The following DYNC2LI1 variants were observed in gnomAD, a reference collection of about 807,000 sequenced individuals.
DYNC2LI1 encodes cytoplasmic dynein 2 light intermediate chain 1.
In DYNC2LI1, 45 loss-of-function variants were observed where a neutral mutation model predicts 51.9. The observed-to-expected ratio is 0.87, with a 90% CI of 0.68 to 1.11. DYNC2LI1 has a LOEUF of 1.11. Among genes scored for constraint, DYNC2LI1 ranks in the 50% most tolerant of loss-of-function variants. The pLI is 0.00. For missense variants in DYNC2LI1, 490 were observed against 417.4 expected (o/e 1.17, Z -1.51); for synonymous variants, 130 against 137.8 (o/e 0.94, Z 0.40).
At chr2:43,813,799 C>A (rs1029503186), downstream of DYNC2LI1, among the ~76,000 whole-genome samples, 4 of 141,950 alleles carry the variant, frequency 2.8e-5, no homozygotes, top group African/African-American at 5.2e-5. Flanking sequence ...CTCACTGCAA[C>A]CTCAGCCTCC....
At position 43,809,918 on chromosome 2, in the gene DYNC2LI1, T is replaced by C; in HGVS notation, c.*151T>C. On this transcript the variant is annotated 3_prime_UTR_variant, in exon 13 of 13. Coordinates refer to ENST00000260605, the MANE Select transcript of DYNC2LI1 (RefSeq NM_016008.4). ...GATTTCTTGGACTAGTGCATCTCCC[T>C]GTATATCTTGAAGCTTTTTAAAAGG... 7.2e-7 allele frequency: 1 copy of C among 1,383,824 alleles called. No homozygotes were observed. The allele number at this position is 1,383,824 out of a possible 1,614,324, so 85.7% of individuals were successfully genotyped here.
chr2:43,776,834 G>A lies in DYNC2LI1; in HGVS notation c.61G>A (p.Gly21Arg). 1 of 1,602,968 alleles carries A rather than the reference G, an allele frequency of 6.2e-7. No homozygotes were observed. The highest frequency in any genetic ancestry group is 8.5e-7 in the Non-Finnish European group (1 of 1,174,866). The change falls in exon 2 of 13, where the codon GGA (glycine) becomes AGA (arginine). Residue 21 changes from glycine to arginine, a missense_variant. Coordinates refer to ENST00000260605, the MANE Select transcript of DYNC2LI1 (RefSeq NM_016008.4). ...KAEVEKRGIN[G>R]SEGDGAEIAE... The stretch of plus-strand genomic sequence containing the variant: ...TGAAGTGGAAAAAAGGGGAATTAAT[G>A]GAAGTGAAGGTGATGGAGCTGAAAT...
the DYNC2LI1 span, chr2:43,820,091 G>C: frequency 1.2e-6 from 2 of 1,613,666 alleles, no homozygotes; most frequent in African/African-American, 1.3e-5. Flanking sequence ...CAGGATGTAA[G>C]CCCAGCGTCC....
At chr2:43,812,939 C>G, downstream of DYNC2LI1, 1 of 617,154 alleles carries the variant, frequency 1.6e-6, no homozygotes, top group South Asian at 1.9e-5. Flanking sequence ...GGACTATAAA[C>G]CACTTCCATT....
intron 2 of DYNC2LI1, among the ~76,000 whole-genome samples, chr2:43,782,758 G>C (rs187312298): frequency 1.4e-4 from 21 of 152,190 alleles, no homozygotes; most frequent in Admixed American, 1.2e-3. Context: ...GAGGTGGGCA[G>C]ATTAGATGAG....
chr2:43,813,392 G>T, downstream of DYNC2LI1: 1 of 976,806 alleles, frequency 1.0e-6, no homozygotes. Flanking sequence ...CGCTTGCTAA[G>T]TACCCTTAAT....
the DYNC2LI1 span, chr2:43,822,474 CCA>C: frequency 1.4e-6 from 1 of 708,450 alleles, no homozygotes; most frequent in Non-Finnish European, 1.7e-6. Flanking sequence ...CTCCCCTCCC[CCA>C]GGCCCCCCCC....
At chr2:43,805,043 T>A (rs540583162) in intron 11 of DYNC2LI1, 111 bp from the exon 12 acceptor site, 6 of 689,048 alleles carry the variant, frequency 8.7e-6, no homozygotes, top group African/African-American at 7.2e-5. Context: ...AGAAAGATCA[T>A]AGAGAGCCTT....
the DYNC2LI1 span, among the ~76,000 whole-genome samples, chr2:43,817,578 A>G: frequency 1.3e-5 from 2 of 152,108 alleles, no homozygotes; most frequent in African/African-American, 4.8e-5. Context: ...GGTTACTTCC[A>G]GATAAACCCA....
rs1034504878 is a variant in DYNC2LI1 at position 43,794,470 on chromosome 2, G to A, written c.334G>A (p.Val112Ile). The A allele has an allele frequency of 6.2e-7, 1 of 1,609,344 alleles. No homozygotes were observed. The highest frequency in any genetic ancestry group is 2.2e-5 in the East Asian group (1 of 44,802). ...TTATTTCTTTAGGACGTTTTCTCTT[G>A]TTCTCGTTCTGGATCTTTCAAAACC... The part of the protein sequence containing the change: ...TGDTLRTFSL[V>I]LVLDLSKPND... Residue 112 changes from valine to isoleucine, a missense_variant, in exon 6 of 13, where the codon GTT (valine) becomes ATT (isoleucine). By Grantham distance (29) the Val-to-Ile change is conservative (BLOSUM62 3). Coordinates refer to ENST00000260605, the MANE Select transcript of DYNC2LI1 (RefSeq NM_016008.4).
chr2:43,783,442 G>T, intron 2 of DYNC2LI1, 78 bp from the exon 3 acceptor site: 1 of 1,073,130 alleles, frequency 9.3e-7, no homozygotes, highest in East Asian at 2.7e-5. Context: ...ATCTATTTTG[G>T]GCCACAATTA....
chr2:43,797,145 A>G (rs537819989), intron 8 of DYNC2LI1, among the ~76,000 whole-genome samples: 1 of 152,240 alleles, frequency 6.6e-6, no homozygotes, highest in Non-Finnish European at 1.5e-5. Context: ...CAACTCTATC[A>G]GTGTGTGTAT....
chr2:43,783,707 C>A (rs1209734573), intron 3 of DYNC2LI1, among the ~76,000 whole-genome samples, 153 bp downstream of exon 3: 1 of 152,106 alleles, frequency 6.6e-6, no homozygotes, highest in Non-Finnish European at 1.5e-5. Flanking sequence ...TTTAAGAGCG[C>A]CTTTAAATAT....
At chr2:43,808,964 TACACAC>T (rs56090427) in intron 12 of DYNC2LI1, among the ~76,000 whole-genome samples, 9,551 of 145,476 alleles carry the variant, frequency 0.066, 638 homozygotes, top group African/African-American at 0.17. Context: ...GGACAAAGGA[TACACAC>T]ACACACACAC....
In DYNC2LI1 at chr2:43,794,118, GC is replaced by G. The variant is rs1673921029; in HGVS notation, c.321-338del. On this transcript the variant is annotated intron_variant, in intron 5 of 12. Coordinates refer to ENST00000260605, the MANE Select transcript of DYNC2LI1 (RefSeq NM_016008.4). ...TGTTTTTGCTTCTTTTATTATTTTTGCTTCCCTTTTTTGGAGCACACAGTAA... is the reference window on the plus strand; with the variant it reads ...TGTTTTTGCTTCTTTTATTATTTTTGTTCCCTTTTTTGGAGCACACAGTAA... The G allele has an allele frequency of 3.6e-5, 7 of 194,760 alleles. No homozygotes were observed. The South Asian group carries it at 8.5e-4, about 24-fold the overall frequency. The allele number at this position is 194,760 out of a possible 1,614,324, so 12.1% of individuals were successfully genotyped here.
At chr2:43,784,180 A>G (rs975679916) in intron 3 of DYNC2LI1, among the ~76,000 whole-genome samples, 23 of 152,352 alleles carry the variant, frequency 1.5e-4, no homozygotes, top group African/African-American at 5.1e-4. Context: ...CATTAAAGAA[A>G]CATCACTCAT....
At chr2:43,796,012 T>C in intron 7 of DYNC2LI1, 54 bp downstream of exon 7, 2 of 1,226,548 alleles carry the variant, frequency 1.6e-6, no homozygotes, top group Non-Finnish European at 2.3e-6. Context: ...CTGTGCTTTT[T>C]ATGAGGGAGG....
intron 1 of DYNC2LI1, among the ~76,000 whole-genome samples, chr2:43,776,092 T>G (rs1488881656): frequency 6.6e-6 from 1 of 151,972 alleles, no homozygotes; most frequent in East Asian, 1.9e-4. Flanking sequence ...ACGTGCAGGT[T>G]TGTTACATAT....
the DYNC2LI1 span, chr2:43,822,660 A>C: frequency 6.4e-7 from 1 of 1,550,528 alleles, no homozygotes. Flanking sequence ...AAGATACGAC[A>C]TTGCACTAGA....
Sources: gnomAD v4.1 joint callset for allele counts (sites outside exome capture counted in the v4.1 genomes callset) on GRCh38, gnomAD v4.1.1 for gene constraint, MANE v1.5 for transcripts, NCBI Gene and HGNC (gene_info 2026-07-23, HGNC 2026-07-21) for gene names.